Variants in RAPGEF2 observed in about 807,000 individuals in gnomAD.
RAPGEF2 encodes PDZ domain containing guanine nucleotide exchange factor (GEF) 1.
A neutral mutation model predicts 186.7 loss-of-function variants in RAPGEF2; 54 were observed. The ratio of observed to expected loss-of-function variants is 0.29; its 90% confidence interval spans 0.23 to 0.36. RAPGEF2 has a LOEUF of 0.36. Among genes scored for constraint, RAPGEF2 ranks in the 10% least tolerant of loss-of-function variants. RAPGEF2 has a pLI of 1.00. For synonymous variants in RAPGEF2, 712 were observed against 705.9 expected, an observed-to-expected ratio of 1.01 and a Z score of -0.14; for missense variants, 1,532 against 2,045.0, an observed-to-expected ratio of 0.75 and a Z score of 4.84.
At chr4:159,116,048 C>A (rs757865991) in intron 1 of RAPGEF2, among the ~76,000 whole-genome samples, 1 of 152,028 alleles carries the variant, frequency 6.6e-6, no homozygotes, top group African/African-American at 2.4e-5. Flanking sequence ...ATGATGAAAA[C>A]GTCAAAAGCA....
chr4:159,342,543 TTTATTTTATA>T (rs1385494205), intron 20 of RAPGEF2, among the ~76,000 whole-genome samples: 3,493 of 106,710 alleles, frequency 0.033, 59 homozygotes, highest in African/African-American at 0.058. Flanking sequence ...TTTATTTTAT[TTTATTTTATA>T]TTATTTTATT....
At chr4:159,234,240 T>C (rs1392210991) in intron 4 of RAPGEF2, among the ~76,000 whole-genome samples, 1 of 152,220 alleles carries the variant, frequency 6.6e-6, no homozygotes, top group Non-Finnish European at 1.5e-5. Flanking sequence ...CTTACCTACT[T>C]CTGATTTTTT....
intron 1 of RAPGEF2, among the ~76,000 whole-genome samples, chr4:159,171,746 A>G (rs1310194188): frequency 3.9e-5 from 6 of 152,034 alleles, no homozygotes; most frequent in South Asian, 2.1e-4. Flanking sequence ...TTTTTTCTGG[A>G]AAGTTTTCAT....
chr4:159,118,169 T>C (rs1739256628), intron 1 of RAPGEF2, among the ~76,000 whole-genome samples: 1 of 152,152 alleles, frequency 6.6e-6, no homozygotes, highest in Non-Finnish European at 1.5e-5. Flanking sequence ...TCATCTTTGT[T>C]TACAGCCACT....
At chr4:159,188,880 A>G (rs528019276) in intron 2 of RAPGEF2, among the ~76,000 whole-genome samples, 81 of 152,304 alleles carry the variant, frequency 5.3e-4, no homozygotes, top group Admixed American at 2.2e-3. Context: ...ATGAACCTAC[A>G]GGGCGGAGCC....
At chr4:159,282,233 C>T (rs945413382) in intron 7 of RAPGEF2, among the ~76,000 whole-genome samples, 5 of 152,278 alleles carry the variant, frequency 3.3e-5, no homozygotes, top group African/African-American at 1.2e-4. Context: ...ATTTTAACTT[C>T]ATAGAACATG....
At chr4:159,198,049 A>T (rs918703366) in intron 3 of RAPGEF2, among the ~76,000 whole-genome samples, 66 of 152,032 alleles carry the variant, frequency 4.3e-4, no homozygotes, top group African/African-American at 1.6e-3. Context: ...TGCCTCTCTT[A>T]CTCATATCCA....
chr4:159,137,559 C>A (rs1439241627), intron 1 of RAPGEF2, among the ~76,000 whole-genome samples: 1 of 152,078 alleles, frequency 6.6e-6, no homozygotes, highest in Non-Finnish European at 1.5e-5. Flanking sequence ...ACAGTTTAAT[C>A]CATAACATGT....
At chr4:159,164,069 A>G (rs1438174105) in intron 1 of RAPGEF2, among the ~76,000 whole-genome samples, 2 of 151,944 alleles carry the variant, frequency 1.3e-5, no homozygotes, top group African/African-American at 4.8e-5. Context: ...CAGTGGCGCA[A>G]TCTCAGCTCA....
intron 22 of RAPGEF2, 51 bp from the exon 23 acceptor site, chr4:159,343,985 C>T (rs1190166667): frequency 6.6e-7 from 1 of 1,515,808 alleles, no homozygotes; most frequent in South Asian, 1.1e-5. Context: ...TGTGATCTTT[C>T]TGTCTCTCTT....
rs80315946 is a variant in RAPGEF2 at position 159,243,248 on chromosome 4, G to A, written c.526-526G>A. Among the ~76,000 whole-genome samples, 685 of 151,598 alleles carry A rather than the reference G, an allele frequency of 4.5e-3. 2 individuals are homozygous for A. The highest frequency in any genetic ancestry group is 0.016 in the African/African-American group (644 of 41,476). On this transcript the variant is annotated intron_variant, in intron 6 of 29. Transcript: ENST00000691494. The stretch of plus-strand genomic sequence containing the variant: ...ATACTGGTTTACTAATGTGTGACAT[G>A]TGGTATTAATTTTACTAAATGAGTT...
At chr4:159,319,133 G>C (rs1561272309) in intron 9 of RAPGEF2, among the ~76,000 whole-genome samples, 1 of 151,986 alleles carries the variant, frequency 6.6e-6, no homozygotes, top group Non-Finnish European at 1.5e-5. Context: ...CTATGGCATT[G>C]TCAGAGTTTT....
intron 17 of RAPGEF2, among the ~76,000 whole-genome samples, chr4:159,334,641 C>G (rs1446993422): frequency 6.6e-6 from 1 of 152,130 alleles, no homozygotes; most frequent in African/African-American, 2.4e-5. Flanking sequence ...AAAAAAAGTT[C>G]ATATGACCTT....
intron 4 of RAPGEF2, among the ~76,000 whole-genome samples, chr4:159,235,334 G>A (rs1026306478): frequency 2.0e-5 from 3 of 151,952 alleles, no homozygotes; most frequent in African/African-American, 7.3e-5. Flanking sequence ...CAAAGACTTC[G>A]TTTTTATTAA....
chr4:159,213,453 G>A lies in RAPGEF2; in HGVS notation c.281+2870G>A, dbSNP rs575661584. Among the ~76,000 whole-genome samples, 74 of 152,292 alleles carry A rather than the reference G, an allele frequency of 4.9e-4. 1 individual carries two copies. The highest frequency in any genetic ancestry group is 1.7e-3 in the African/African-American group (72 of 41,558). ...AGCATTCTCTTGAAAGTGCCAACTC[G>A]TTTTGACGGGTAATTCACCTTGAAA... On this transcript the variant is annotated intron_variant, in intron 4 of 29. Transcript: ENST00000691494.
intron 17 of RAPGEF2, among the ~76,000 whole-genome samples, chr4:159,337,781 T>G (rs977286221): frequency 9.4e-5 from 14 of 148,622 alleles, no homozygotes; most frequent in African/African-American, 3.5e-4. Flanking sequence ...TCCCAGCTAC[T>G]CAGGAGGCTG....
chr4:159,225,336 C>T (rs1751921723), intron 4 of RAPGEF2, among the ~76,000 whole-genome samples: 1 of 152,120 alleles, frequency 6.6e-6, no homozygotes, highest in South Asian at 2.1e-4. Flanking sequence ...AAAGTGGATG[C>T]CAGATTTATA....
chr4:159,179,297 T>C (rs746878971), intron 1 of RAPGEF2, among the ~76,000 whole-genome samples: 6 of 151,514 alleles, frequency 4.0e-5, no homozygotes, highest in African/African-American at 9.7e-5. Flanking sequence ...TTTTTCAGTT[T>C]GTGTGTCATA....
chr4:159,114,822 T>C (rs565309859), intron 1 of RAPGEF2, among the ~76,000 whole-genome samples: 20 of 152,270 alleles, frequency 1.3e-4, no homozygotes, highest in Admixed American at 6.5e-4. Flanking sequence ...TTTAAATGGT[T>C]ACTTTTGGTA....
Sources: allele counts gnomAD v4.1 joint callset (sites outside exome capture counted in the v4.1 genomes callset), GRCh38; gene constraint gnomAD v4.1.1; transcripts MANE v1.5; gene names NCBI Gene and HGNC (gene_info 2026-07-23, HGNC 2026-07-21).